Variants in PRCP observed in about 807,000 individuals in gnomAD.
PRCP encodes lysosomal Pro-X carboxypeptidase.
Under a neutral mutation model 54.2 loss-of-function variants are expected in PRCP, and 46 were observed. The observed-to-expected ratio is 0.85, with a 90% confidence interval of 0.67 to 1.09. The LOEUF is 1.09. Ranked by LOEUF, PRCP falls within the 50% of genes least tolerant of loss-of-function variation. The pLI, the probability that PRCP is intolerant of heterozygous loss-of-function variation, is 0.00. For missense variants in PRCP, 613 were observed against 596.8 expected (o/e 1.03, Z -0.28); for synonymous variants, 240 against 212.2 (o/e 1.13, Z -1.14).
chr11:82,837,620 T>C (rs1181317141), intron 8 of PRCP, among the ~76,000 whole-genome samples: 1 of 152,216 alleles, frequency 6.6e-6, no homozygotes, highest in African/African-American at 2.4e-5. Context: ...ATCTCCTATT[T>C]CTATATAGAC....
chr11:82,846,914 A>G (rs923501929), intron 6 of PRCP, among the ~76,000 whole-genome samples: 1 of 152,232 alleles, frequency 6.6e-6, no homozygotes, highest in Admixed American at 6.5e-5. Flanking sequence ...CTTTTTCTAG[A>G]TAAGTGGTTA....
chr11:82,882,755 A>G, intron 1 of PRCP, among the ~76,000 whole-genome samples: 1 of 147,820 alleles, frequency 6.8e-6, no homozygotes, highest in East Asian at 1.9e-4. Context: ...TCGGCCTCCC[A>G]AAGTGCTGGG....
In PRCP at chr11:82,825,142, G is replaced by A. The variant is rs1376557569; in HGVS notation, c.1275-20C>T. The stretch of plus-strand genomic sequence containing the variant: ...CCATTGCTGCAAGTGAAAAAAAGAA[G>A]AAAAAATAAAGTTGTTAGTTTTTCA... On this transcript the variant is annotated intron_variant, in intron 8 of 8. Transcript: ENST00000313010. The A allele has an allele frequency of 1.9e-6, 3 of 1,592,916 alleles. No homozygotes were observed. Among genetic ancestry groups the A allele is most frequent in the East Asian group, 4.5e-5 (2 of 44,252 alleles).
At chr11:82,840,043 A>G (rs1858624100) in intron 6 of PRCP, 1 of 152,098 alleles carries the variant, frequency 6.6e-6, no homozygotes, top group Non-Finnish European at 1.5e-5. Flanking sequence ...TGCTGAATGA[A>G]TTACTATACT....
At chr11:82,852,840 C>A (rs1858988896) in intron 3 of PRCP, among the ~76,000 whole-genome samples, 1 of 152,046 alleles carries the variant, frequency 6.6e-6, no homozygotes, top group South Asian at 2.1e-4. Flanking sequence ...GTGGCAGGCT[C>A]AATAATTTAA....
rs896603159 is a variant in PRCP, at chr11:82,823,278, G to T, written c.*1628C>A. Among the ~76,000 whole-genome samples the T allele has an allele frequency of 4.6e-5, 7 of 152,098 alleles. No individual in the cohort carries two copies. The highest frequency in any genetic ancestry group is 1.3e-4 in the Admixed American group (2 of 15,264). On this transcript the variant is annotated 3_prime_UTR_variant, in exon 9 of 9. Coordinates refer to ENST00000313010, the MANE Select transcript of PRCP (RefSeq NM_005040.4). ...AAATTGTAAGAATATCCTCTATTGA[G>T]CCCATAAACCCTGCATTATTTAATT... is the stretch of plus-strand genomic sequence containing the variant.
intron 3 of PRCP, among the ~76,000 whole-genome samples, chr11:82,851,761 A>T (rs111278783): frequency 2.1e-4 from 32 of 152,002 alleles, no homozygotes; most frequent in African/African-American, 7.2e-4. Context: ...CACCATCCTG[A>T]TTTCTTCCAT....
At chr11:82,849,562 C>T (rs1369299253) in intron 5 of PRCP, among the ~76,000 whole-genome samples, 3 of 152,102 alleles carry the variant, frequency 2.0e-5, no homozygotes, top group Non-Finnish European at 4.4e-5. Flanking sequence ...ACAAAAAAGA[C>T]ATGCTATGTA....
intron 1 of PRCP, among the ~76,000 whole-genome samples, chr11:82,890,493 A>G (rs1859980129): frequency 6.6e-6 from 1 of 151,684 alleles, no homozygotes; most frequent in Non-Finnish European, 1.5e-5. Context: ...TACCAATTCT[A>G]TTTCTTTCTT....
intron 1 of PRCP, among the ~76,000 whole-genome samples, chr11:82,861,876 G>A (rs534568378): frequency 6.6e-6 from 1 of 152,276 alleles, no homozygotes; most frequent in South Asian, 2.1e-4. Context: ...GGACAAATGT[G>A]TAATTTTAAT....
chr11:82,875,024 TAA>T (rs145737356), intron 1 of PRCP, among the ~76,000 whole-genome samples: 4 of 144,538 alleles, frequency 2.8e-5, no homozygotes, highest in South Asian at 2.2e-4. Flanking sequence ...TGTAAAACTG[TAA>T]AAAAAAAAAA....
intron 1 of PRCP, among the ~76,000 whole-genome samples, chr11:82,899,625 A>G (rs1164355518): frequency 2.0e-5 from 3 of 152,204 alleles, no homozygotes; most frequent in South Asian, 4.1e-4. Flanking sequence ...GTTACAGACC[A>G]TAGAAAGGCT....
intron 3 of PRCP, among the ~76,000 whole-genome samples, chr11:82,851,700 C>T (rs1858960266): frequency 6.6e-6 from 1 of 152,098 alleles, no homozygotes; most frequent in Admixed American, 6.6e-5. Context: ...ACAACGAATA[C>T]AGCTACATAC....
At chr11:82,896,142 C>T (rs12284504) in intron 1 of PRCP, among the ~76,000 whole-genome samples, 12,229 of 152,214 alleles carry the variant, frequency 0.08, 1,055 homozygotes, top group African/African-American at 0.21. Context: ...GTTTAAACTC[C>T]TACCATGTTT....
chr11:82,850,910 T>C (rs1482043304), intron 3 of PRCP, among the ~76,000 whole-genome samples: 2 of 152,016 alleles, frequency 1.3e-5, no homozygotes, highest in Admixed American at 1.3e-4. Context: ...GAATCACCAG[T>C]AAAAATAAAA....
At chr11:82,879,627 T>G (rs1859698335) in intron 1 of PRCP, among the ~76,000 whole-genome samples, 2 of 152,216 alleles carry the variant, frequency 1.3e-5, no homozygotes. Flanking sequence ...TTTTTAGAAT[T>G]TTCAGCTTTT....
chr11:82,854,465 A>G (rs368053837), intron 2 of PRCP, among the ~76,000 whole-genome samples: 1 of 152,208 alleles, frequency 6.6e-6, no homozygotes, highest in Admixed American at 6.5e-5. Flanking sequence ...AATCATCTCT[A>G]CAATGAGAAT....
In PRCP at chr11:82,839,393, T is replaced by G. The variant is rs1220505186; in HGVS notation, c.954A>C (p.Val318=). 4 of 1,613,130 alleles carry G rather than the reference T, an allele frequency of 2.5e-6. No individual in the cohort carries two copies. The highest frequency in any genetic ancestry group is 3.4e-6 in the Non-Finnish European group (4 of 1,179,618). ...TATTCTGCAGCAGCAGTGAATCAGA[T>G]ACATTGGGATTTTTCAAATACTGGC... is the stretch of plus-strand genomic sequence containing the variant. ...VVCQYLKNPN[V]SDSLLLQNIF... The change falls in exon 7 of 9, where the codon GTA becomes GTC. Residue 318 remains valine (V), a synonymous_variant. Coordinates refer to ENST00000313010, the MANE Select transcript of PRCP (RefSeq NM_005040.4).
chr11:82,896,576 G>C (rs1403752781), intron 1 of PRCP, among the ~76,000 whole-genome samples: 1 of 151,528 alleles, frequency 6.6e-6, no homozygotes, highest in East Asian at 2.0e-4. Context: ...CTACTCGGGA[G>C]GCTAAGGCAG....
Sources: gnomAD v4.1 joint callset for allele counts (sites outside exome capture counted in the v4.1 genomes callset) on GRCh38, gnomAD v4.1.1 for gene constraint, MANE v1.5 for transcripts, NCBI Gene and HGNC (gene_info 2026-07-23, HGNC 2026-07-21) for gene names.